PLEKHA7: variants seen among roughly 807,000 people sequenced by gnomAD.
PLEKHA7 encodes pleckstrin homology domain containing A7.
In PLEKHA7, 104 loss-of-function variants were observed where a neutral mutation model predicts 170.0. The ratio of observed to expected loss-of-function variants is 0.61; its 90% CI spans 0.52 to 0.72. The LOEUF (loss-of-function observed/expected upper bound fraction) is 0.72, where lower values mean the gene tolerates loss of function less well. Among genes scored for constraint, PLEKHA7 ranks in the 30% least tolerant of loss-of-function variants. The pLI, the probability that PLEKHA7 is intolerant of heterozygous loss-of-function variation, is 0.00. For missense variants in PLEKHA7, 1,615 were observed against 1,671.7 expected (o/e 0.97, Z 0.59); for synonymous variants, 648 against 660.8 (o/e 0.98, Z 0.30).
chr11:16,924,541 G>A (rs541324776), intron 3 of PLEKHA7, among the ~76,000 whole-genome samples: 28 of 152,244 alleles, frequency 1.8e-4, no homozygotes, highest in Non-Finnish European at 4.0e-4. Context: ...GAAGGCAAAG[G>A]AGGAGGGGTA....
intron 10 of PLEKHA7, among the ~76,000 whole-genome samples, chr11:16,818,146 G>A (rs959567533): frequency 2.6e-5 from 4 of 152,184 alleles, no homozygotes; most frequent in East Asian, 3.9e-4. Context: ...ATCTTGCAAC[G>A]GAAAAAGGAA....
intron 3 of PLEKHA7, among the ~76,000 whole-genome samples, chr11:16,960,506 G>A (rs1861989264): frequency 6.6e-6 from 1 of 152,172 alleles, no homozygotes; most frequent in South Asian, 2.1e-4. Context: ...AAGCACTGCA[G>A]AAGGTCACAG....
chr11:16,815,617 T>C (rs1051705191), intron 12 of PLEKHA7, among the ~76,000 whole-genome samples: 2 of 152,154 alleles, frequency 1.3e-5, no homozygotes, highest in Admixed American at 6.5e-5. Context: ...CTCCACCTCC[T>C]GAGTTCTCGT....
In PLEKHA7 at chr11:16,790,831, G is replaced by A. The variant is rs1847791038; in HGVS notation, c.3019C>T (p.Pro1007Ser). Residue 1007 changes from proline (P) to serine (S), a missense_variant, in exon 21 of 27, where the codon CCT becomes TCT. Transcript: ENST00000531066. ...MAQPSLGLVG[P>S]ESRYQTLPGR... ...GGCAGCGTCTGGTACCTGCTCTCAG[G>A]GCCCACAAGTCCTAGGGAGGGCTGG... 1.2e-6 allele frequency: 2 copies of A among 1,609,480 alleles called. No homozygotes were observed. The highest frequency in any genetic ancestry group is 2.2e-5 in the East Asian group (1 of 44,644).
chr11:16,815,626 G>A (rs902307455), intron 12 of PLEKHA7, among the ~76,000 whole-genome samples: 1 of 152,014 alleles, frequency 6.6e-6, no homozygotes. Flanking sequence ...CTGAGTTCTC[G>A]TATCTCAGCC....
In PLEKHA7 at chr11:17,014,374, T is replaced by G. The variant is rs940541538; in HGVS notation, c.28A>C (p.Thr10Pro). 8 of 1,331,854 alleles carry G rather than the reference T, an allele frequency of 6.0e-6. No individual in the cohort carries two copies. The African/African-American group carries it at 1.2e-4, about 21-fold the overall frequency. 82.5% of individuals were successfully genotyped at this position (1,331,854 alleles called of 1,614,324 possible). ...CCGTAGGACCAATGCTCAGGTAAAG[T>G]GTCCCGCCCGACCGTCGCCGCCGCC... Reference protein sequence around the residue: MAAATVGRDTLPEHWSYGVC... With the variant: MAAATVGRDPLPEHWSYGVC... Residue 10 changes from threonine to proline, a missense_variant, in exon 1 of 27, where the codon ACT becomes CCT. By Grantham distance (38) the Thr-to-Pro change is conservative (BLOSUM62 -1). Transcript: ENST00000531066.
chr11:16,807,785 T>C (rs547632707), intron 13 of PLEKHA7, among the ~76,000 whole-genome samples: 1 of 152,310 alleles, frequency 6.6e-6, no homozygotes, highest in East Asian at 1.9e-4. Context: ...ATCTCAGCCC[T>C]TGCTGAACAC....
chr11:16,854,703 G>A (rs1853281935), intron 6 of PLEKHA7, among the ~76,000 whole-genome samples, 186 bp downstream of exon 6: 1 of 152,162 alleles, frequency 6.6e-6, no homozygotes, highest in Non-Finnish European at 1.5e-5. Context: ...TGTAACCATT[G>A]AGCAGACAGT....
intron 3 of PLEKHA7, among the ~76,000 whole-genome samples, chr11:16,955,494 T>C (rs1590711937): frequency 6.6e-6 from 1 of 152,218 alleles, no homozygotes; most frequent in South Asian, 2.1e-4. Context: ...CAGCATTTAG[T>C]ATAGTGCCTG....
intron 3 of PLEKHA7, among the ~76,000 whole-genome samples, chr11:17,000,436 G>A (rs1319681628): frequency 6.6e-6 from 1 of 152,168 alleles, no homozygotes; most frequent in Non-Finnish European, 1.5e-5. Flanking sequence ...CAGCCACACA[G>A]GGCTTCTGAG....
intron 3 of PLEKHA7, among the ~76,000 whole-genome samples, chr11:16,921,138 T>C (rs1023730832): frequency 2.0e-5 from 3 of 152,148 alleles, no homozygotes; most frequent in Admixed American, 6.5e-5. Context: ...TTCTAACACA[T>C]TGAGAACTTC....
At chr11:16,885,638 TAA>T (rs11306143) in intron 3 of PLEKHA7, among the ~76,000 whole-genome samples, 5 of 149,694 alleles carry the variant, frequency 3.3e-5, no homozygotes, top group Admixed American at 6.6e-5. Context: ...ACAAAAATCT[TAA>T]AAAAAAAAAA....
Position 16,826,297 on chromosome 11 carries a change from T to C in PLEKHA7, c.1166A>G (p.Gln389Arg), listed in dbSNP as rs1199984120. The change falls in exon 10 of 27, where the codon CAA becomes CGA. Residue 389 changes from glutamine to arginine, a missense_variant. Coordinates refer to ENST00000531066, the MANE Select transcript of PLEKHA7 (RefSeq NM_001329630.2). The stretch of plus-strand genomic sequence containing the variant: ...CAGCATTCCATTCTTCTCTGCCCGT[T>C]GGGGCTGTGCCTGCTGGCCTCTTGG... ...TGPRGQQAQPQRAEKNGMLPA... is the reference protein window; with the variant it reads ...TGPRGQQAQPRRAEKNGMLPA... The C allele has an allele frequency of 1.2e-6, 2 of 1,614,244 alleles. No individual in the cohort carries two copies. The highest frequency in any genetic ancestry group is 3.3e-5 in the Admixed American group (2 of 60,034).
intron 3 of PLEKHA7, among the ~76,000 whole-genome samples, chr11:16,903,803 C>G (rs575678932): frequency 3.3e-5 from 5 of 152,302 alleles, no homozygotes; most frequent in South Asian, 2.1e-4. Context: ...ACTAAGAAAA[C>G]TCTTCCATGC....
At chr11:16,854,716 A>G (rs1853283373) in intron 6 of PLEKHA7, among the ~76,000 whole-genome samples, 173 bp downstream of exon 6, 1 of 152,180 alleles carries the variant, frequency 6.6e-6, no homozygotes, top group Non-Finnish European at 1.5e-5. Context: ...CAGACAGTCC[A>G]CTCATAAGAA....
At chr11:16,876,368 C>T (rs1855293846) in intron 3 of PLEKHA7, among the ~76,000 whole-genome samples, 1 of 152,182 alleles carries the variant, frequency 6.6e-6, no homozygotes, top group Admixed American at 6.5e-5. Flanking sequence ...CTTCAGGCTA[C>T]TGAGAAAGTA....
chr11:17,001,292 T>G (rs1864648806), intron 3 of PLEKHA7, among the ~76,000 whole-genome samples: 1 of 152,324 alleles, frequency 6.6e-6, no homozygotes, highest in Non-Finnish European at 1.5e-5. Flanking sequence ...GTCTGGTGAC[T>G]GAACAGATAA....
At chr11:17,003,338 T>C (rs919235198) in intron 3 of PLEKHA7, among the ~76,000 whole-genome samples, 17 of 152,286 alleles carry the variant, frequency 1.1e-4, no homozygotes, top group African/African-American at 3.8e-4. Flanking sequence ...TGAGTTGAGT[T>C]CTACAGTTTG....
chr11:16,810,802 A>G (rs1434043308), intron 13 of PLEKHA7, among the ~76,000 whole-genome samples: 2 of 152,170 alleles, frequency 1.3e-5, no homozygotes, highest in African/African-American at 4.8e-5. Context: ...GCACCATTTT[A>G]AGAGAGGATG....
Sources: allele counts gnomAD v4.1 joint callset (sites outside exome capture counted in the v4.1 genomes callset), GRCh38; gene constraint gnomAD v4.1.1; transcripts MANE v1.5; gene names NCBI Gene and HGNC (gene_info 2026-07-23, HGNC 2026-07-21).